The following DISC1 variants were observed in gnomAD, a reference collection of about 807,000 sequenced individuals.
The protein encoded by DISC1 is DISC1 scaffold protein, also known as disrupted in schizophrenia 1 protein.
DISC1 carries 57 observed loss-of-function variants against 84.5 expected under a neutral mutation model. That is an observed-to-expected ratio of 0.67 (90% confidence interval 0.55 to 0.84). The LOEUF is 0.84. DISC1 is among the 40% of genes least tolerant of loss of function. The pLI, the probability that DISC1 is intolerant of heterozygous loss-of-function variation, is 0.00. For synonymous variants in DISC1, 411 were observed against 415.2 expected, an observed-to-expected ratio of 0.99 and a Z score of 0.12; for missense variants, 1,000 against 1,057.8, an observed-to-expected ratio of 0.95 and a Z score of 0.76.
At chr1:231,632,249 T>G (rs2058774311) in intron 1 of DISC1, among the ~76,000 whole-genome samples, 1 of 152,224 alleles carries the variant, frequency 6.6e-6, no homozygotes, top group Non-Finnish European at 1.5e-5. Flanking sequence ...AAAGTGTCCC[T>G]GTCAATAAGT....
At chr1:231,795,957 C>A (rs1220847332) in intron 7 of DISC1, among the ~76,000 whole-genome samples, 1 of 152,104 alleles carries the variant, frequency 6.6e-6, no homozygotes, top group Non-Finnish European at 1.5e-5. Flanking sequence ...CCCAGGAGGG[C>A]AATGTCTGGT....
chr1:231,872,661 C>A (rs1015615452), intron 9 of DISC1, among the ~76,000 whole-genome samples: 1 of 151,686 alleles, frequency 6.6e-6, no homozygotes, highest in Non-Finnish European at 1.5e-5. Flanking sequence ...CTCTTTCCAT[C>A]TGTTCTTAAA....
chr1:231,891,242 ATAATATTT>A (rs1238611914), intron 9 of DISC1, among the ~76,000 whole-genome samples: 4 of 152,184 alleles, frequency 2.6e-5, no homozygotes, highest in African/African-American at 9.7e-5. Context: ...AAAAAATCTC[ATAATATTT>A]TAAGAAAGTT....
chr1:231,995,132 T>G (rs1272464972), intron 10 of DISC1, among the ~76,000 whole-genome samples: 1 of 152,142 alleles, frequency 6.6e-6, no homozygotes, highest in East Asian at 1.9e-4. Flanking sequence ...GGAATAAAAT[T>G]TAAACATGTC....
At position 231,630,119 on chromosome 1, in the gene DISC1, C is replaced by G. The variant is rs555739954; in HGVS notation, c.67+3185C>G. 2.0e-5 allele frequency among the ~76,000 whole-genome samples: 3 copies of G among 152,114 alleles called. No individual in the cohort carries two copies. In the East Asian group the frequency reaches 5.8e-4, roughly 30 times the overall value. ...CTAATTTTTGTATTTTTAATACAGA[C>G]AGGGTTTCACCATGTTGATCAGCAT... On this transcript the variant is annotated intron_variant, in intron 1 of 12. Coordinates refer to ENST00000439617, the MANE Select transcript of DISC1 (RefSeq NM_018662.3). The surrounding 1 kb of genome is among the most constrained non-coding windows in gnomAD (Gnocchi z 4.4).
intron 1 of DISC1, among the ~76,000 whole-genome samples, chr1:231,671,705 A>G (rs960005735): frequency 2.0e-5 from 3 of 152,198 alleles, no homozygotes; most frequent in African/African-American, 7.2e-5. Context: ...AAGAAGCAAT[A>G]TAGTGTTAAG....
intron 11 of DISC1, among the ~76,000 whole-genome samples, chr1:232,025,597 CTTTT>C (rs35161490): frequency 4.5e-5 from 6 of 132,472 alleles, no homozygotes; most frequent in Admixed American, 7.7e-5. Flanking sequence ...TCATCCTGCT[CTTTT>C]TTTTTTTTTT....
chr1:231,705,820 G>A (rs1353457774), intron 3 of DISC1, among the ~76,000 whole-genome samples: 1 of 151,922 alleles, frequency 6.6e-6, no homozygotes, highest in Admixed American at 6.6e-5. Flanking sequence ...TTCTCTGTTA[G>A]GAGCAGCTGT....
chr1:231,933,060 C>A (rs982189145), intron 9 of DISC1, among the ~76,000 whole-genome samples: 19 of 152,326 alleles, frequency 1.2e-4, no homozygotes, highest in African/African-American at 4.3e-4. Flanking sequence ...AAAATGATGA[C>A]AATGACAACA....
At chr1:231,667,555 C>G (rs1283528804) in intron 1 of DISC1, among the ~76,000 whole-genome samples, 1 of 152,204 alleles carries the variant, frequency 6.6e-6, no homozygotes, top group Non-Finnish European at 1.5e-5. Context: ...AGCCTTCTTA[C>G]TGACCATGGG....
At chr1:231,986,061 A>G (rs1264961537) in intron 10 of DISC1, among the ~76,000 whole-genome samples, 2 of 152,176 alleles carry the variant, frequency 1.3e-5, no homozygotes, top group African/African-American at 4.8e-5. Context: ...CTGTGTCCTG[A>G]TCTGTAAAGT....
chr1:231,888,339 G>C (rs1265154604), intron 9 of DISC1, among the ~76,000 whole-genome samples: 1 of 152,106 alleles, frequency 6.6e-6, no homozygotes, highest in East Asian at 1.9e-4. Context: ...ATGGATGCAG[G>C]AGTGGTCTGA....
rs2075716614 is a variant in DISC1 at position 231,762,101 on chromosome 1, TTTC to T, written c.1269-5033_1269-5031del. Among the ~76,000 whole-genome samples, 4 of 152,240 alleles carry T rather than the reference TTTC, an allele frequency of 2.6e-5. No individual in the cohort carries two copies. The South Asian group carries it at 6.2e-4, about 24-fold the overall frequency. ...TTTTTTCTTTCTCTTTTCTTTTTTC[TTTC>T]TTCTTTCCTTTCTTTTCTTTTTTCT... On this transcript the variant is annotated intron_variant, in intron 4 of 12. Transcript: ENST00000439617.
Position 231,693,954 on chromosome 1 carries a change from C to T in DISC1, c.196C>T (p.Arg66Trp), listed in dbSNP as rs147261047. The change falls in exon 2 of 13, where the codon CGG (arginine) becomes TGG (tryptophan). Residue 66 changes from arginine (R) to tryptophan (W), a missense_variant. By Grantham distance (101) the Arg-to-Trp change is moderately radical. This residue lies in a region of DISC1 where 292 missense variants were observed against 280.2 expected (regional missense o/e 1.04). Transcript: ENST00000439617. Reference sequence around the variant, plus strand: ...TTCCCCAGCAGTGGGCACACTGTTCCGGTTCCCAGGAGGGGTGTCTGGCGA... The same window carrying T: ...TTCCCCAGCAGTGGGCACACTGTTCTGGTTCCCAGGAGGGGTGTCTGGCGA... ...FLSPAVGTLFRFPGGVSGEES... is the reference protein window; with the variant it reads ...FLSPAVGTLFWFPGGVSGEES... 5.2e-4 allele frequency: 845 copies of T among 1,614,094 alleles called. 6 individuals are homozygous for T. The African/African-American group carries it at 9.1e-3, about 17-fold the overall frequency.
intron 1 of DISC1, among the ~76,000 whole-genome samples, chr1:231,627,318 G>C (rs1256572046): frequency 6.6e-6 from 1 of 152,052 alleles, no homozygotes; most frequent in Non-Finnish European, 1.5e-5. Flanking sequence ...CTGCACTCTC[G>C]TTGCGGTGCG....
chr1:231,694,861 T>A, intron 2 of DISC1, 56 bp downstream of exon 2: 1 of 1,593,756 alleles, frequency 6.3e-7, no homozygotes, highest in Non-Finnish European at 8.5e-7. Flanking sequence ...AGATTAGCAC[T>A]GGGCAGACGG....
intron 3 of DISC1, chr1:231,722,722 G>A: frequency 6.4e-7 from 1 of 1,553,346 alleles, no homozygotes; most frequent in East Asian, 2.4e-5. Flanking sequence ...GCTCATTTAT[G>A]ATCAGGGTAG....
At chr1:231,806,157 G>T (rs1379910293) in intron 8 of DISC1, among the ~76,000 whole-genome samples, 3 of 152,184 alleles carry the variant, frequency 2.0e-5, no homozygotes, top group Non-Finnish European at 4.4e-5. Context: ...TGAACGTGAC[G>T]TGGCTTTCCA....
intron 4 of DISC1, among the ~76,000 whole-genome samples, chr1:231,762,912 T>A (rs2075880277): frequency 6.6e-6 from 1 of 152,104 alleles, no homozygotes; most frequent in Non-Finnish European, 1.5e-5. Context: ...CATTCTTATT[T>A]TAAAAATGAA....
Sources: allele counts gnomAD v4.1 joint callset (sites outside exome capture counted in the v4.1 genomes callset), GRCh38; gene constraint gnomAD v4.1.1; regional missense constraint gnomAD v4.1.1; non-coding constraint Gnocchi (gnomAD v3.1); transcripts MANE v1.5; gene names NCBI Gene and HGNC (gene_info 2026-07-23, HGNC 2026-07-21).